TRAF2: variants seen among roughly 807,000 people sequenced by gnomAD.
TRAF2 encodes the protein TNF receptor-associated factor 2.
In TRAF2, 6 loss-of-function variants were observed where a neutral mutation model predicts 55.6. The observed-to-expected ratio is 0.11, with a 90% CI of 0.06 to 0.21. TRAF2 has a LOEUF of 0.21. TRAF2 is among the 10% of genes least tolerant of loss of function. The probability of loss-of-function intolerance (pLI) is 1.00; values close to 1 mark genes in which losing one functional copy is unlikely to be tolerated. For synonymous variants in TRAF2, 329 were observed against 276.3 expected (o/e 1.19, Z -1.89); for missense variants, 561 against 684.5 (o/e 0.82, Z 2.01).
chr9:136,925,511 G>A (rs1473458349), intron 10 of TRAF2, among the ~76,000 whole-genome samples, 172 bp from the exon 11 acceptor site: 1 of 152,178 alleles, frequency 6.6e-6, no homozygotes, highest in Admixed American at 6.5e-5. Flanking sequence ...GGGAGCCCGG[G>A]CGCTGTGGCA....
rs766041831 is a variant in TRAF2 at position 136,900,505 on chromosome 9, C to T, written c.351C>T (p.Thr117=). 5 of 1,613,834 alleles carry T rather than the reference C, an allele frequency of 3.1e-6. No homozygotes were observed. The highest frequency in any genetic ancestry group is 3.3e-5 in the Admixed American group (2 of 59,984). The change falls in exon 4 of 11, where the codon ACC becomes ACT. Residue 117 remains threonine (T), a synonymous_variant. Transcript: ENST00000247668. The stretch of plus-strand genomic sequence containing the variant: ...GTGATGGATGCACCTGGAAGGGGAC[C>T]CTGAAAGAATACGAGGTAAAGATGC... ...CPSDGCTWKG[T]LKEYESCHEG...
intron 9 of TRAF2, among the ~76,000 whole-genome samples, chr9:136,921,575 G>GGTGGGGGTGGCT (rs1434315768): frequency 1.3e-5 from 2 of 152,192 alleles, no homozygotes; most frequent in Non-Finnish European, 2.9e-5. Flanking sequence ...AGACAGGGCG[G>GGTGGGGGTGGCT]GTGGGGGTGG....
At position 136,920,426 on chromosome 9, in the gene TRAF2, C is replaced by A; in HGVS notation, c.871C>A (p.Arg291=). 1 of 1,614,056 alleles carries A rather than the reference C, an allele frequency of 6.2e-7. No homozygotes were observed. The highest frequency in any genetic ancestry group is 1.1e-5 in the South Asian group (1 of 91,080). Residue 291 remains arginine, a synonymous_variant, in exon 8 of 11, where the codon CGG becomes AGG. Transcript: ENST00000247668. The part of the protein sequence containing the change: ...TFENIVCVLN[R]EVERVAMTAE... ...TGAGAACATTGTCTGCGTCCTGAAC[C>A]GGGAGGTGGAGAGGGTGGCCATGAC...
At chr9:136,884,238 G>A (rs1025513950), upstream of TRAF2, among the ~76,000 whole-genome samples, 65 of 150,990 alleles carry the variant, frequency 4.3e-4, no homozygotes, top group African/African-American at 7.3e-5. Flanking sequence ...ATGAGCCGCC[G>A]TGCCTGGCTG....
At chr9:136,910,629 C>T (rs933624880) in intron 6 of TRAF2, among the ~76,000 whole-genome samples, 10 of 152,342 alleles carry the variant, frequency 6.6e-5, no homozygotes, top group Non-Finnish European at 1.2e-4. Context: ...GGGGCACCTG[C>T]TCTGTGTGTC....
chr9:136,907,953 CA>C (rs1849995383), intron 4 of TRAF2, 116 bp from the exon 5 acceptor site: 1 of 1,365,886 alleles, frequency 7.3e-7, no homozygotes, highest in South Asian at 1.4e-5. Context: ...GGGCGGCCCC[CA>C]GGACCAGCAT....
At chr9:136,925,582 G>C in intron 10 of TRAF2, 101 bp from the exon 11 acceptor site, 1 of 1,232,912 alleles carries the variant, frequency 8.1e-7, no homozygotes, top group South Asian at 1.4e-5. Context: ...TGGGTCCTGG[G>C]ATGGCCTCCT....
At position 136,886,560 on chromosome 9, in the gene TRAF2, C is replaced by T. The variant is rs1442655964; in HGVS notation, c.-29+19C>T. 2.1e-6 allele frequency: 2 copies of T among 956,482 alleles called. No individual in the cohort carries two copies. The highest frequency in any genetic ancestry group is 2.5e-6 in the Non-Finnish European group (2 of 810,288). The allele number at this position is 956,482 out of a possible 1,614,324, so 59.2% of individuals were successfully genotyped here. On this transcript the variant is annotated intron_variant, in intron 1 of 10. Coordinates refer to ENST00000247668, the MANE Select transcript of TRAF2 (RefSeq NM_021138.4). ...CCGTTGGGTGAGGCGAGCGCGGGGT[C>T]GGGTGCGGGGTCGGGCGCGGGCGCG...
chr9:136,924,346 A>G (rs1037453584), intron 10 of TRAF2, among the ~76,000 whole-genome samples: 9 of 151,688 alleles, frequency 5.9e-5, no homozygotes, highest in Admixed American at 3.3e-4. Context: ...GATTGCTTGA[A>G]CCCAGGAGTT....
rs1850293433 is a variant in TRAF2 at position 136,918,259 on chromosome 9, TTATTTAA to T, written c.678+1646_678+1652del. On this transcript the variant is annotated intron_variant, in intron 7 of 10. Coordinates refer to ENST00000247668, the MANE Select transcript of TRAF2 (RefSeq NM_021138.4). ...TATATATATATATATATATATATAT[TTATTTAA>T]TTAATTAATTTATTTATTTTTGAGG... Among the ~76,000 whole-genome samples the T allele has an allele frequency of 3.8e-4, 9 of 23,766 alleles. No homozygotes were observed. The East Asian group carries it at 0.056, about 147-fold the overall frequency. The allele number at this position is 23,766 out of a possible 152,430, so 15.6% of individuals were successfully genotyped here.
At chr9:136,903,166 G>C (rs1678875537) in intron 4 of TRAF2, among the ~76,000 whole-genome samples, 1 of 152,170 alleles carries the variant, frequency 6.6e-6, no homozygotes, top group African/African-American at 2.4e-5. Flanking sequence ...GGCCAGGCTG[G>C]TCTTGAACTC....
upstream of TRAF2, among the ~76,000 whole-genome samples, chr9:136,883,625 T>C (rs972676602): frequency 6.6e-6 from 1 of 151,998 alleles, no homozygotes; most frequent in Non-Finnish European, 1.5e-5. Flanking sequence ...CAAGTGATTT[T>C]CCTGCCTCAG....
upstream of TRAF2, among the ~76,000 whole-genome samples, chr9:136,883,946 T>G (rs1849403173): frequency 1.3e-5 from 2 of 151,394 alleles, no homozygotes; most frequent in Admixed American, 1.3e-4. Context: ...CTACTCAGTC[T>G]CCTGAGTAGC....
upstream of TRAF2, chr9:136,882,092 G>C (rs111585030): frequency 5.2e-6 from 5 of 966,678 alleles, no homozygotes; most frequent in African/African-American, 7.0e-5. Context: ...TCATGGTCCC[G>C]TGGGGGGCCC....
chr9:136,910,424 C>T (rs1326000033), intron 6 of TRAF2, among the ~76,000 whole-genome samples: 1 of 152,180 alleles, frequency 6.6e-6, no homozygotes, highest in African/African-American at 2.4e-5. Context: ...GGGTGGCTCG[C>T]CTGGCAGAAC....
intron 1 of TRAF2, 111 bp downstream of exon 1, chr9:136,886,652 C>A (rs1430510851): frequency 6.8e-6 from 5 of 731,126 alleles, no homozygotes; most frequent in Non-Finnish European, 8.3e-6. Flanking sequence ...AGACTCCGGG[C>A]CGGAGCGGGA....
intron 6 of TRAF2, among the ~76,000 whole-genome samples, chr9:136,912,378 T>G (rs1588437199): frequency 6.7e-6 from 1 of 149,304 alleles, no homozygotes; most frequent in African/African-American, 2.5e-5. Context: ...GCCAGGCTGG[T>G]CTTGAACTCC....
Position 136,919,749 on chromosome 9 carries a change from T to C in TRAF2, c.679-485T>C, listed in dbSNP as rs370744847. ...TCTTTTCTTCCAAACAGGGTTTTGCTGTGTCAGCCAGGCAGGGATGCAGTG... is the reference window on the plus strand; with the variant it reads ...TCTTTTCTTCCAAACAGGGTTTTGCCGTGTCAGCCAGGCAGGGATGCAGTG... On this transcript the variant is annotated intron_variant, in intron 7 of 10. Transcript: ENST00000247668. Among the ~76,000 whole-genome samples, 3 of 150,416 alleles carry C rather than the reference T, an allele frequency of 2.0e-5. No homozygotes were observed. In the South Asian group the frequency reaches 6.5e-4, roughly 32 times the overall value.
Position 136,916,588 on chromosome 9 carries a change from A to T in TRAF2, c.651A>T (p.Arg217Ser). Reference protein sequence around the residue: ...KTCGKCRVPCRFHAIGCLETV... With the variant: ...KTCGKCRVPCSFHAIGCLETV... ...GTGGCAAGTGTCGAGTCCCTTGCAG[A>T]TTCCACGCCATCGGCTGCCTCGAGA... is the stretch of plus-strand genomic sequence containing the variant. Residue 217 changes from arginine to serine, a missense_variant, in exon 7 of 11, where the codon AGA becomes AGT. By Grantham distance (110) the Arg-to-Ser change is moderately radical. Transcript: ENST00000247668. 5.0e-6 allele frequency: 8 copies of T among 1,614,014 alleles called. No individual in the cohort carries two copies. The highest frequency in any genetic ancestry group is 6.8e-6 in the Non-Finnish European group (8 of 1,179,974).
Sources: gnomAD v4.1 joint callset for allele counts (sites outside exome capture counted in the v4.1 genomes callset) on GRCh38, gnomAD v4.1.1 for gene constraint, MANE v1.5 for transcripts, NCBI Gene and HGNC (gene_info 2026-07-23, HGNC 2026-07-21) for gene names.